RSPRY1: variants seen among roughly 807,000 people sequenced by gnomAD.
RSPRY1 encodes ring finger and SPRY domain containing 1.
RSPRY1 carries 23 observed loss-of-function variants against 73.1 expected under a neutral mutation model. That is an observed-to-expected ratio of 0.31 (90% CI 0.23 to 0.45). RSPRY1 has a LOEUF of 0.45. RSPRY1 is among the 20% of genes least tolerant of loss of function. The pLI is 1.00. For synonymous variants in RSPRY1, 226 were observed against 251.4 expected, an observed-to-expected ratio of 0.90 and a Z score of 0.95; for missense variants, 448 against 698.7, an observed-to-expected ratio of 0.64 and a Z score of 4.05.
intron 1 of RSPRY1, among the ~76,000 whole-genome samples, chr16:57,191,431 T>C (rs1489412225): frequency 6.6e-6 from 1 of 152,194 alleles, no homozygotes; most frequent in East Asian, 1.9e-4. Context: ...CTGTGGTCTC[T>C]TAATACTTTT....
At chr16:57,195,750 C>T (rs1276381517) in intron 1 of RSPRY1, among the ~76,000 whole-genome samples, 4 of 148,976 alleles carry the variant, frequency 2.7e-5, no homozygotes, top group East Asian at 2.0e-4. Context: ...TGGCCAGGCA[C>T]GGTGGCTCAC....
At chr16:57,223,677 C>T (rs146214310) in intron 10 of RSPRY1, among the ~76,000 whole-genome samples, 90 of 152,226 alleles carry the variant, frequency 5.9e-4, no homozygotes, top group African/African-American at 2.0e-3. Flanking sequence ...GAGGCTGAGG[C>T]AGGAGAATTG....
At chr16:57,193,378 G>T (rs2074383774) in intron 1 of RSPRY1, among the ~76,000 whole-genome samples, 1 of 152,126 alleles carries the variant, frequency 6.6e-6, no homozygotes, top group South Asian at 2.1e-4. Flanking sequence ...TTCTGTTTCA[G>T]CTGGCAAGTG....
chr16:57,233,136 A>T (rs2075251117), intron 13 of RSPRY1, among the ~76,000 whole-genome samples: 1 of 152,184 alleles, frequency 6.6e-6, no homozygotes, highest in Non-Finnish European at 1.5e-5. Flanking sequence ...GTAGGAGCTC[A>T]TGGCCCTGTT....
intron 8 of RSPRY1, among the ~76,000 whole-genome samples, chr16:57,218,720 CTTTTTTTTTTTTTT>C (rs869295634): frequency 9.7e-5 from 4 of 41,120 alleles, no homozygotes; most frequent in South Asian, 1.5e-3. Context: ...GCCACATTTT[CTTTTTTTTTTTTTT>C]TTTTTTTTTT....
At chr16:57,212,610 G>C (rs780337569) in intron 4 of RSPRY1, among the ~76,000 whole-genome samples, 2 of 151,918 alleles carry the variant, frequency 1.3e-5, no homozygotes, top group Non-Finnish European at 2.9e-5. Flanking sequence ...TTAACACCTG[G>C]TTATAGCTCC....
chr16:57,200,693 G>A (rs1201930166), intron 1 of RSPRY1, among the ~76,000 whole-genome samples: 4 of 120,222 alleles, frequency 3.3e-5, no homozygotes, highest in Non-Finnish European at 5.3e-5. Flanking sequence ...CGGACGGGGC[G>A]GCTGGCCGGG....
chr16:57,239,569 C>G lies in RSPRY1; in HGVS notation c.*594C>G, dbSNP rs925256340. 1.3e-5 allele frequency: 2 copies of G among 151,538 alleles called. No homozygotes were observed. The highest frequency in any genetic ancestry group is 1.5e-5 in the Non-Finnish European group (1 of 67,924). The allele number at this position is 151,538 out of a possible 1,614,324, so 9.4% of individuals were successfully genotyped here. A position where few individuals can be genotyped will look rare whatever the true frequency, so the allele number is the denominator to read the frequency against. On this transcript the variant is annotated 3_prime_UTR_variant, in exon 15 of 15. Transcript: ENST00000394420. ...CCAAGTTTGTGATATTTCAGTGATT[C>G]CAAAGAACATTCTAGGTTTTTTGTT...
intron 3 of RSPRY1, 89 bp downstream of exon 3, chr16:57,208,199 T>A: frequency 1.2e-6 from 1 of 854,670 alleles, no homozygotes; most frequent in Non-Finnish European, 1.8e-6. Flanking sequence ...TTGTTTTGTT[T>A]TGAGATAAAA....
intron 1 of RSPRY1, among the ~76,000 whole-genome samples, chr16:57,200,394 A>C (rs2074548866): frequency 6.6e-6 from 1 of 152,152 alleles, no homozygotes; most frequent in Admixed American, 6.5e-5. Flanking sequence ...CATTGTCATC[A>C]TAGCCCATTC....
chr16:57,206,004 C>T (rs975188377), intron 2 of RSPRY1, among the ~76,000 whole-genome samples: 95 of 152,156 alleles, frequency 6.2e-4, no homozygotes, highest in African/African-American at 2.3e-3. Context: ...TTTAGTTCCT[C>T]AAAAATTAAG....
chr16:57,226,387 C>T (rs774477762), intron 10 of RSPRY1, among the ~76,000 whole-genome samples: 2 of 152,176 alleles, frequency 1.3e-5, no homozygotes, highest in Non-Finnish European at 2.9e-5. Flanking sequence ...AGAAGAATGG[C>T]TACTCTATAG....
At chr16:57,202,340 G>C (rs2074634273) in intron 1 of RSPRY1, among the ~76,000 whole-genome samples, 1 of 152,128 alleles carries the variant, frequency 6.6e-6, no homozygotes, top group African/African-American at 2.4e-5. Context: ...TCTGTGAGAG[G>C]ACCCAGAGCA....
intron 2 of RSPRY1, among the ~76,000 whole-genome samples, chr16:57,207,419 CATT>C (rs1316888098): frequency 6.6e-6 from 1 of 151,966 alleles, no homozygotes; most frequent in Non-Finnish European, 1.5e-5. Flanking sequence ...GAAAACATCT[CATT>C]ATTGAAGTTC....
intron 1 of RSPRY1, among the ~76,000 whole-genome samples, chr16:57,191,935 C>T (rs1449157476): frequency 1.3e-5 from 2 of 152,178 alleles, no homozygotes; most frequent in Admixed American, 1.3e-4. Flanking sequence ...TCCCTAACCC[C>T]AGCTCCCTTT....
intron 10 of RSPRY1, among the ~76,000 whole-genome samples, chr16:57,223,741 T>A (rs1320469179): frequency 6.6e-6 from 1 of 152,222 alleles, no homozygotes; most frequent in Non-Finnish European, 1.5e-5. Context: ...CACTGCACTC[T>A]AGCCTGGGCG....
chr16:57,196,166 GA>G (rs2074443732), intron 1 of RSPRY1, among the ~76,000 whole-genome samples: 1 of 151,118 alleles, frequency 6.6e-6, no homozygotes, highest in African/African-American at 2.4e-5. Context: ...GGTTCATTTT[GA>G]TGCTTCGTAA....
intron 10 of RSPRY1, among the ~76,000 whole-genome samples, chr16:57,226,915 A>G (rs186868064): frequency 6.6e-6 from 1 of 152,336 alleles, no homozygotes; most frequent in East Asian, 1.9e-4. Flanking sequence ...TTGTGCTGAT[A>G]TACAAGTGTA....
intron 9 of RSPRY1, 133 bp from the exon 10 acceptor site, chr16:57,221,139 T>G (rs1424255130): frequency 5.4e-6 from 6 of 1,108,872 alleles, no homozygotes; most frequent in African/African-American, 4.7e-5. Flanking sequence ...TCACTGAGGA[T>G]GGACAGAGGA....
Sources: allele counts gnomAD v4.1 joint callset (sites outside exome capture counted in the v4.1 genomes callset), GRCh38; gene constraint gnomAD v4.1.1; transcripts MANE v1.5; gene names NCBI Gene and HGNC (gene_info 2026-07-23, HGNC 2026-07-21).